BBX: variants seen among roughly 807,000 people sequenced by gnomAD.
BBX encodes the protein HMG box transcription factor BBX.
BBX carries 30 observed loss-of-function variants against 100.2 expected under a neutral mutation model. The observed-to-expected ratio is 0.30, with a 90% CI of 0.22 to 0.41. The LOEUF (loss-of-function observed/expected upper bound fraction) is 0.41. Among genes scored for constraint, BBX ranks in the 10% least tolerant of loss-of-function variants. BBX has a pLI of 1.00. For missense variants in BBX, 1,023 were observed against 1,129.8 expected (o/e 0.91, Z 1.35); for synonymous variants, 376 against 388.1 (o/e 0.97, Z 0.37).
At chr3:107,554,806 T>C (rs1312086946) in intron 2 of BBX, among the ~76,000 whole-genome samples, 1 of 152,138 alleles carries the variant, frequency 6.6e-6, no homozygotes, top group African/African-American at 2.4e-5. Context: ...TGGTGGCTCA[T>C]GCCTGTAATC....
chr3:107,531,003 C>G (rs984687983), intron 2 of BBX, among the ~76,000 whole-genome samples: 1 of 152,178 alleles, frequency 6.6e-6, no homozygotes, highest in East Asian at 1.9e-4. Context: ...TATTCTCATT[C>G]AGTGTTTCTG....
intron 3 of BBX, among the ~76,000 whole-genome samples, chr3:107,666,484 T>C (rs2058749526): frequency 6.6e-6 from 1 of 151,820 alleles, no homozygotes; most frequent in Non-Finnish European, 1.5e-5. Flanking sequence ...ACTTCTTTAG[T>C]GAAGGATTTA....
chr3:107,541,336 T>G (rs776697775), intron 2 of BBX, among the ~76,000 whole-genome samples: 1 of 152,184 alleles, frequency 6.6e-6, no homozygotes, highest in Non-Finnish European at 1.5e-5. Context: ...TTCTTGTACT[T>G]AATTTCAACC....
chr3:107,589,010 A>T (rs1012247833), intron 2 of BBX, among the ~76,000 whole-genome samples: 4 of 152,194 alleles, frequency 2.6e-5, no homozygotes, highest in Admixed American at 2.6e-4. Context: ...TGTCAAAATT[A>T]AGGGGGATAT....
chr3:107,551,642 C>G (rs2049691549), intron 2 of BBX, among the ~76,000 whole-genome samples: 1 of 152,196 alleles, frequency 6.6e-6, no homozygotes. Context: ...AATTGTTAAA[C>G]CAGATCTCAA....
At chr3:107,741,671 T>C (rs1247274031) in intron 7 of BBX, among the ~76,000 whole-genome samples, 1 of 152,184 alleles carries the variant, frequency 6.6e-6, no homozygotes, top group Admixed American at 6.5e-5. Flanking sequence ...GGAATAGATA[T>C]TACAGAATTG....
chr3:107,636,104 AT>A (rs2056836839), intron 2 of BBX, among the ~76,000 whole-genome samples: 1 of 152,072 alleles, frequency 6.6e-6, no homozygotes, highest in Non-Finnish European at 1.5e-5. Context: ...GGTATTATTT[AT>A]TTTGCATGCT....
intron 9 of BBX, among the ~76,000 whole-genome samples, chr3:107,751,070 C>G (rs1011101531): frequency 1.4e-5 from 2 of 145,384 alleles, no homozygotes; most frequent in African/African-American, 2.5e-5. Context: ...GACCACTGCT[C>G]TATAGTTATG....
intron 3 of BBX, among the ~76,000 whole-genome samples, chr3:107,678,014 C>T (rs1408651836): frequency 6.6e-6 from 1 of 152,034 alleles, no homozygotes; most frequent in Non-Finnish European, 1.5e-5. Flanking sequence ...ATGTCGTAAA[C>T]AATTTAGCAT....
intron 2 of BBX, among the ~76,000 whole-genome samples, chr3:107,535,485 A>G (rs1403477921): frequency 6.6e-6 from 1 of 151,466 alleles, no homozygotes; most frequent in African/African-American, 2.4e-5. Flanking sequence ...GGCAGCTGTT[A>G]TTTTTAATAT....
In BBX at chr3:107,805,479, A is replaced by G. The variant is rs754383679; in HGVS notation, c.*22A>G. 1.2e-6 allele frequency: 2 copies of G among 1,614,110 alleles called. No homozygotes were observed. Among genetic ancestry groups the G allele is most frequent in the Admixed American group, 1.7e-5 (1 of 60,018 alleles). ...GTGAAGCGCCCTTTCATTGTAAAACATTGTGCTTTACCTACTACCCTAGCC... is the reference window on the plus strand; with the variant it reads ...GTGAAGCGCCCTTTCATTGTAAAACGTTGTGCTTTACCTACTACCCTAGCC... On this transcript the variant is annotated 3_prime_UTR_variant, in exon 18 of 18. Coordinates refer to ENST00000325805, the MANE Select transcript of BBX (RefSeq NM_001142568.3).
At chr3:107,585,725 A>G (rs1455975289) in intron 2 of BBX, among the ~76,000 whole-genome samples, 1 of 152,210 alleles carries the variant, frequency 6.6e-6, no homozygotes, top group Non-Finnish European at 1.5e-5. Flanking sequence ...AATAAGAGAA[A>G]TAGTCCTAGA....
At chr3:107,772,197 A>G (rs758616435) in intron 10 of BBX, among the ~76,000 whole-genome samples, 1 of 152,238 alleles carries the variant, frequency 6.6e-6, no homozygotes, top group African/African-American at 2.4e-5. Flanking sequence ...CTTAGACCAC[A>G]CAGAATCCTC....
At chr3:107,697,826 C>A (rs1361227559) in intron 3 of BBX, among the ~76,000 whole-genome samples, 1 of 151,916 alleles carries the variant, frequency 6.6e-6, no homozygotes, top group African/African-American at 2.4e-5. Flanking sequence ...TGATCTCAGA[C>A]TGCTGTGCTA....
chr3:107,526,094 A>G (rs2047753041), intron 1 of BBX, among the ~76,000 whole-genome samples: 1 of 152,096 alleles, frequency 6.6e-6, no homozygotes, highest in Admixed American at 6.6e-5. Flanking sequence ...GAGATACCCT[A>G]GAATGCCAGT....
intron 5 of BBX, among the ~76,000 whole-genome samples, chr3:107,721,966 A>T (rs1043862934): frequency 1.3e-5 from 2 of 151,988 alleles, no homozygotes; most frequent in African/African-American, 4.8e-5. Flanking sequence ...ATACTTCTCT[A>T]TCTAAATGAT....
chr3:107,673,929 G>A (rs1418602889), intron 3 of BBX, among the ~76,000 whole-genome samples: 1 of 152,280 alleles, frequency 6.6e-6, no homozygotes, highest in Non-Finnish European at 1.5e-5. Flanking sequence ...CCTCGTGACA[G>A]TCTTCAAGTA....
chr3:107,638,688 G>A (rs1288134513), intron 2 of BBX: 2 of 151,308 alleles, frequency 1.3e-5, no homozygotes, highest in African/African-American at 4.9e-5. Flanking sequence ...GGAGGCCGAG[G>A]TGGGAGGACT....
chr3:107,537,793 A>G (rs1196677894), intron 2 of BBX, among the ~76,000 whole-genome samples: 1 of 152,222 alleles, frequency 6.6e-6, no homozygotes, highest in Non-Finnish European at 1.5e-5. Context: ...ACTTCTGGAC[A>G]TCAGCCCAGT....
Sources: gnomAD v4.1 joint callset for allele counts (sites outside exome capture counted in the v4.1 genomes callset) on GRCh38, gnomAD v4.1.1 for gene constraint, MANE v1.5 for transcripts, NCBI Gene and HGNC (gene_info 2026-07-23, HGNC 2026-07-21) for gene names.